The following PIWIL4 variants were observed in gnomAD, a reference collection of about 807,000 sequenced individuals.
PIWIL4 encodes the protein piwi-like protein 4.
In PIWIL4, 50 loss-of-function variants were observed where a neutral mutation model predicts 100.9. The ratio of observed to expected loss-of-function variants is 0.50; its 90% CI spans 0.39 to 0.63. The LOEUF is 0.63. Among genes scored for constraint, PIWIL4 ranks in the 20% least tolerant of loss-of-function variants. The probability of loss-of-function intolerance (pLI) is 0.00; values close to 1 mark genes in which losing one functional copy is unlikely to be tolerated. For synonymous variants in PIWIL4, 342 were observed against 367.5 expected (o/e 0.93, Z 0.79); for missense variants, 887 against 1,043.3 (o/e 0.85, Z 2.06).
intron 3 of PIWIL4, among the ~76,000 whole-genome samples, chr11:94,575,987 A>AT (rs1329106229): frequency 6.6e-6 from 1 of 152,124 alleles, no homozygotes; most frequent in African/African-American, 2.4e-5. Flanking sequence ...TAGCACGGAG[A>AT]TTTCTTGCTC....
chr11:94,612,354 G>A (rs1948797233), intron 15 of PIWIL4, among the ~76,000 whole-genome samples: 1 of 146,406 alleles, frequency 6.8e-6, no homozygotes, highest in African/African-American at 2.5e-5. Flanking sequence ...TTTTGCCTAA[G>A]TTTAGCTACC....
intron 1 of PIWIL4, 93 bp downstream of exon 1, chr11:94,567,698 C>G: frequency 3.7e-6 from 5 of 1,364,302 alleles, no homozygotes; most frequent in Non-Finnish European, 4.8e-6. Flanking sequence ...CTCCTCCTCT[C>G]TGTTACGAAG....
chr11:94,611,245 A>G (rs577314756), intron 15 of PIWIL4, among the ~76,000 whole-genome samples: 2 of 152,198 alleles, frequency 1.3e-5, no homozygotes, highest in Non-Finnish European at 2.9e-5. Context: ...TGAACCATCC[A>G]TTCTTACATC....
rs1196214226 is a variant in PIWIL4 at position 94,607,557 on chromosome 11, G to A, written c.1757G>A (p.Gly586Asp). ...CTTGCTCGGACCTTGAATAAACAGG[G>A]CATGATGATGAGTATCGCCACCAAG... ...CVLARTLNKQ[G>D]MMMSIATKIA... is the part of the protein sequence containing the mutation. Residue 586 changes from glycine to aspartate, a missense_variant, in exon 14 of 20, where the codon GGC (glycine) becomes GAC (aspartate). Gly to Asp is a moderately conservative substitution (Grantham distance 94). Coordinates refer to ENST00000299001, the MANE Select transcript of PIWIL4 (RefSeq NM_152431.3). The A allele has an allele frequency of 3.7e-6, 6 of 1,613,974 alleles. No homozygotes were observed. Among genetic ancestry groups the A allele is most frequent in the Non-Finnish European group, 4.2e-6 (5 of 1,179,976 alleles).
At chr11:94,591,569 TG>T (rs747312425) in intron 8 of PIWIL4, among the ~76,000 whole-genome samples, 7 of 152,250 alleles carry the variant, frequency 4.6e-5, no homozygotes, top group Non-Finnish European at 8.8e-5. Context: ...GTTAAACATT[TG>T]GGTTTCTTTC....
rs776197385 is a variant in PIWIL4, at chr11:94,577,435, CA to C, written c.459del (p.Ala154GlnfsTer15). 2 of 1,613,932 alleles carry C rather than the reference CA, an allele frequency of 1.2e-6. No homozygotes were observed. Among genetic ancestry groups the C allele is most frequent in the Non-Finnish European group, 1.7e-6 (2 of 1,179,964 alleles). On this transcript the variant is annotated frameshift_variant, in exon 4 of 20. Coordinates refer to ENST00000299001, the MANE Select transcript of PIWIL4 (RefSeq NM_152431.3). LOFTEE classifies it high-confidence loss of function. ...LLYSHSELSN[K>X]AKAFDGAILF... ...TTTATAGTCATAGTGAACTTTCCAA[CA>C]AAGCAAAAGCATTCGACGGTGCCAT...
chr11:94,612,933 A>G (rs56352228), intron 15 of PIWIL4, among the ~76,000 whole-genome samples: 14,368 of 152,108 alleles, frequency 0.094, 700 homozygotes, highest in Middle Eastern at 0.14. Context: ...TTATTTTCTT[A>G]TGTAGCTATA....
chr11:94,574,913 A>G (rs1438417164), intron 2 of PIWIL4, 86 bp from the exon 3 acceptor site: 1 of 1,346,598 alleles, frequency 7.4e-7, no homozygotes, highest in Non-Finnish European at 1.0e-6. Flanking sequence ...ACAAGTTTGG[A>G]TTGCAATGCA....
chr11:94,607,626 C>T lies in PIWIL4; in HGVS notation c.1826C>T (p.Ala609Val). The T allele has an allele frequency of 6.2e-7, 1 of 1,613,812 alleles. No homozygotes were observed. The highest frequency in any genetic ancestry group is 1.1e-5 in the South Asian group (1 of 91,056). Residue 609 changes from alanine (A) to valine (V), a missense_variant, in exon 14 of 20, where the codon GCT becomes GTT. By Grantham distance (64) the Ala-to-Val change is moderately conservative (BLOSUM62 0). This residue lies in a region of PIWIL4 where 741 missense variants were observed against 930.0 expected (regional missense o/e 0.80). Coordinates refer to ENST00000299001, the MANE Select transcript of PIWIL4 (RefSeq NM_152431.3). ...TGCAAGCTCGGAGGCGAGCTGTGGGCTGTGGAAATACCTGTAAGGACCCTG... is the reference window on the plus strand; with the variant it reads ...TGCAAGCTCGGAGGCGAGCTGTGGGTTGTGGAAATACCTGTAAGGACCCTG... ...MTCKLGGELWAVEIPLKSLMV... is the reference protein window; with the variant it reads ...MTCKLGGELWVVEIPLKSLMV...
At chr11:94,609,125 A>T (rs1038210062) in intron 15 of PIWIL4, among the ~76,000 whole-genome samples, 1 of 152,210 alleles carries the variant, frequency 6.6e-6, no homozygotes, top group Non-Finnish European at 1.5e-5. Flanking sequence ...GTGCCTCACT[A>T]TGGTAATCTG....
In PIWIL4 at chr11:94,617,944, A is replaced by G; in HGVS notation, c.2015-10A>G. The G allele has an allele frequency of 6.2e-7, 1 of 1,613,442 alleles. No individual in the cohort carries two copies. Among genetic ancestry groups the G allele is most frequent in the Non-Finnish European group, 8.5e-7 (1 of 1,179,440 alleles). ...AGTAATTCTTTTCTTACTGACACCAAATTCTGCAGGAGCACTCAACAAATG... is the reference window on the plus strand; with the variant it reads ...AGTAATTCTTTTCTTACTGACACCAGATTCTGCAGGAGCACTCAACAAATG... On this transcript the variant is annotated splice_polypyrimidine_tract_variant and intron_variant, in intron 16 of 19. Coordinates refer to ENST00000299001, the MANE Select transcript of PIWIL4 (RefSeq NM_152431.3).
chr11:94,619,730 C>G (rs1948885857), intron 17 of PIWIL4, 30 bp from the exon 18 acceptor site: 2 of 1,597,498 alleles, frequency 1.3e-6, no homozygotes, highest in East Asian at 4.5e-5. Context: ...GGATTGAGTT[C>G]TTTTCATATT....
chr11:94,587,469 C>A (rs1948417409), intron 7 of PIWIL4, among the ~76,000 whole-genome samples: 1 of 152,230 alleles, frequency 6.6e-6, no homozygotes, highest in Admixed American at 6.5e-5. Flanking sequence ...ACCCTCCTTT[C>A]CCCTAATGCC....
chr11:94,582,308 C>T (rs1948331448), intron 4 of PIWIL4, among the ~76,000 whole-genome samples: 1 of 152,168 alleles, frequency 6.6e-6, no homozygotes, highest in African/African-American at 2.4e-5. Flanking sequence ...AGAGTTTTCC[C>T]CATGTTGATG....
chr11:94,619,737 T>C lies in PIWIL4; in HGVS notation c.2169-23T>C, dbSNP rs1174072717. 1.9e-6 allele frequency: 3 copies of C among 1,603,524 alleles called. No homozygotes were observed. In the African/African-American group the frequency reaches 4.0e-5, roughly 22 times the overall value. On this transcript the variant is annotated intron_variant, in intron 17 of 19. Coordinates refer to ENST00000299001, the MANE Select transcript of PIWIL4 (RefSeq NM_152431.3). ...TATAGATTGGATTGAGTTCTTTTCA[T>C]ATTTTGCCTCTCTAATTTTTAGCTC...
At chr11:94,583,421 T>C (rs891643742) in intron 4 of PIWIL4, 27 bp from the exon 5 acceptor site, 1 of 1,611,288 alleles carries the variant, frequency 6.2e-7, no homozygotes, top group Non-Finnish European at 8.5e-7. Flanking sequence ...ATTTGTAGGG[T>C]GCATATTAAG....
At chr11:94,604,155 T>G in intron 13 of PIWIL4, 99 bp downstream of exon 13, 4 of 612,632 alleles carry the variant, frequency 6.5e-6, no homozygotes, top group Non-Finnish European at 1.1e-5. Context: ...ATTTGCAAAT[T>G]GCCATGCATT....
At chr11:94,585,289 A>G (rs971799740) in intron 5 of PIWIL4, among the ~76,000 whole-genome samples, 156 bp from the exon 6 acceptor site, 1 of 152,238 alleles carries the variant, frequency 6.6e-6, no homozygotes, top group Non-Finnish European at 1.5e-5. Flanking sequence ...ATAGACATTC[A>G]TATGTATATT....
chr11:94,575,252 T>G lies in PIWIL4; in HGVS notation c.298+122T>G. On this transcript the variant is annotated intron_variant, in intron 3 of 19. Coordinates refer to ENST00000299001, the MANE Select transcript of PIWIL4 (RefSeq NM_152431.3). ...CTTAACAGATATTTACTGATTGTCTTCTATGTTCAAGGCACTGTTAGACGC... is the reference window on the plus strand; with the variant it reads ...CTTAACAGATATTTACTGATTGTCTGCTATGTTCAAGGCACTGTTAGACGC... The G allele has an allele frequency of 3.8e-6, 4 of 1,060,346 alleles. No homozygotes were observed. The Admixed American group carries it at 1.0e-4, about 27-fold the overall frequency. 65.7% of individuals were successfully genotyped at this position (1,060,346 alleles called of 1,614,324 possible).
Sources: allele counts gnomAD v4.1 joint callset (sites outside exome capture counted in the v4.1 genomes callset), GRCh38; gene constraint gnomAD v4.1.1; regional missense constraint gnomAD v4.1.1; transcripts MANE v1.5; gene names NCBI Gene and HGNC (gene_info 2026-07-23, HGNC 2026-07-21).